The following NUP88 variants were observed in gnomAD, a reference collection of about 807,000 sequenced individuals.
NUP88 encodes nucleoporin 88.
A neutral mutation model predicts 93.9 loss-of-function variants in NUP88; 57 were observed. The observed-to-expected ratio is 0.61, with a 90% confidence interval of 0.49 to 0.76. NUP88 has a LOEUF of 0.76. NUP88 is among the 30% of genes least tolerant of loss of function. The pLI is 0.00. For synonymous variants in NUP88, 346 were observed against 336.8 expected (o/e 1.03, Z -0.30); for missense variants, 911 against 901.0 (o/e 1.01, Z -0.14).
intron 9 of NUP88, among the ~76,000 whole-genome samples, chr17:5,394,496 T>G (rs921858992): frequency 1.3e-5 from 2 of 152,016 alleles, no homozygotes; most frequent in Admixed American, 6.6e-5. Flanking sequence ...CGACAGACAT[T>G]AAAAAAATGC....
chr17:5,410,595 C>G, intron 4 of NUP88, 108 bp downstream of exon 4: 1 of 686,888 alleles, frequency 1.5e-6, no homozygotes, highest in East Asian at 2.6e-5. Context: ...CTCACATTAC[C>G]AAAAGCATGC....
Position 5,419,634 on chromosome 17 carries a change from C to A in NUP88, c.17G>T (p.Gly6Val), listed in dbSNP as rs772239332. The change falls in exon 1 of 17, where the codon GGA (glycine) becomes GTA (valine). Residue 6 changes from glycine to valine, a missense_variant. Gly to Val is a moderately radical substitution (Grantham distance 109). Coordinates refer to ENST00000573584, the MANE Select transcript of NUP88 (RefSeq NM_002532.6). ...CCACAGCTCGCCGTCGCCCACCGGTCCCTCGGCGGCCGCCATCTTGGCCCA... is the reference window on the plus strand; with the variant it reads ...CCACAGCTCGCCGTCGCCCACCGGTACCTCGGCGGCCGCCATCTTGGCCCA... MAAAE[G>V]PVGDGELWQT... is the part of the protein sequence containing the mutation. 1.3e-6 allele frequency: 2 copies of A among 1,590,656 alleles called. No individual in the cohort carries two copies. The highest frequency in any genetic ancestry group is 1.7e-5 in the Admixed American group (1 of 59,622).
intron 4 of NUP88, among the ~76,000 whole-genome samples, chr17:5,410,439 A>G (rs1185938707): frequency 6.6e-6 from 1 of 151,474 alleles, no homozygotes; most frequent in Non-Finnish European, 1.5e-5. Flanking sequence ...TCACATAGAA[A>G]GGTGATAAAG....
At chr17:5,387,964 T>TA (rs765955771) in intron 11 of NUP88, 60 bp from the exon 12 acceptor site, 3 of 1,177,304 alleles carry the variant, frequency 2.5e-6, no homozygotes, top group Non-Finnish European at 3.5e-6. Flanking sequence ...TGAAAATAAA[T>TA]AGACTCAAGT....
chr17:5,403,814 T>C (rs184516154), intron 7 of NUP88, among the ~76,000 whole-genome samples: 91 of 152,350 alleles, frequency 6.0e-4, no homozygotes, highest in Non-Finnish European at 1.1e-3. Context: ...TACCCAGTAG[T>C]GGAACTACTG....
rs926982145 is a variant in NUP88, at chr17:5,385,665, G to A, written c.*541C>T. ...TCAGCTCTGAAAGGTAATACAGCTTGTGAGGAAGTGAGCCAGCAGTGGCCT... is the reference window on the plus strand; with the variant it reads ...TCAGCTCTGAAAGGTAATACAGCTTATGAGGAAGTGAGCCAGCAGTGGCCT... On this transcript the variant is annotated 3_prime_UTR_variant, in exon 17 of 17. Transcript: ENST00000573584. The A allele has an allele frequency of 8.7e-6, 2 of 231,096 alleles. No individual in the cohort carries two copies. The highest frequency in any genetic ancestry group is 1.2e-4 in the East Asian group (2 of 16,186). The allele number at this position is 231,096 out of a possible 1,614,324, so 14.3% of individuals were successfully genotyped here.
chr17:5,409,485 T>C (rs1913701298), intron 4 of NUP88, among the ~76,000 whole-genome samples: 1 of 151,420 alleles, frequency 6.6e-6, no homozygotes, highest in South Asian at 2.1e-4. Flanking sequence ...GATATACAAA[T>C]AGCAAAAATT....
rs751250644 is a variant in NUP88 at position 5,410,729 on chromosome 17, T to C, written c.654A>G (p.Glu218=). 4.3e-6 allele frequency: 7 copies of C among 1,611,478 alleles called. No individual in the cohort carries two copies. The African/African-American group carries it at 6.7e-5, about 15-fold the overall frequency. Residue 218 remains glutamate, a synonymous_variant, in exon 4 of 17, where the codon GAA becomes GAG. Coordinates refer to ENST00000573584, the MANE Select transcript of NUP88 (RefSeq NM_002532.6). ...PTNVIILSEA[E]EESLVLNKGR... ...CTTTATTGAGTACTAGACTTTCCTC[T>C]TCGGCTTCTGAAAGTATTATCACGT...
intron 7 of NUP88, among the ~76,000 whole-genome samples, chr17:5,401,472 C>A (rs9897260): frequency 0.025 from 3,776 of 152,146 alleles, 154 homozygotes; most frequent in African/African-American, 0.086. Flanking sequence ...GCAACAATAA[C>A]CCATAAAACC....
At chr17:5,404,954 C>A in intron 6 of NUP88, 103 bp downstream of exon 6, 1 of 1,010,978 alleles carries the variant, frequency 9.9e-7, no homozygotes, top group Non-Finnish European at 1.4e-6. Context: ...TCAGAAGTTC[C>A]ATAAGTAAGT....
At chr17:5,410,623 C>G (rs1913780365) in intron 4 of NUP88, 80 bp downstream of exon 4, 1 of 847,592 alleles carries the variant, frequency 1.2e-6, no homozygotes, top group Non-Finnish European at 1.9e-6. Context: ...CTCTGAAAAA[C>G]CTTGCAACCT....
intron 8 of NUP88, among the ~76,000 whole-genome samples, chr17:5,398,070 C>T (rs1912893946): frequency 6.6e-6 from 1 of 151,590 alleles, no homozygotes; most frequent in Non-Finnish European, 1.5e-5. Context: ...CTATGCCTGG[C>T]TAATTTTTGT....
chr17:5,390,102 T>TCACTAG (rs1912316255), intron 10 of NUP88, among the ~76,000 whole-genome samples: 1 of 150,626 alleles, frequency 6.6e-6, no homozygotes, highest in African/African-American at 2.4e-5. Flanking sequence ...GAGGCAGAGG[T>TCACTAG]TGCAGTGAGC....
intron 8 of NUP88, among the ~76,000 whole-genome samples, chr17:5,395,749 C>T (rs1285163749): frequency 6.6e-6 from 1 of 151,900 alleles, no homozygotes; most frequent in Non-Finnish European, 1.5e-5. Flanking sequence ...AACTCCTGAA[C>T]TCAGGTGATC....
chr17:5,392,812 T>C (rs1912524250), intron 9 of NUP88, among the ~76,000 whole-genome samples: 1 of 152,208 alleles, frequency 6.6e-6, no homozygotes. Flanking sequence ...TTTTTTGAGA[T>C]AGGGTCTCAC....
chr17:5,400,751 C>CTT (rs978908975), intron 7 of NUP88, among the ~76,000 whole-genome samples: 1 of 152,270 alleles, frequency 6.6e-6, no homozygotes, highest in African/African-American at 2.4e-5. Context: ...TCACAAAAGA[C>CTT]TTTAACACAA....
chr17:5,396,843 C>G (rs1912809102), intron 8 of NUP88, among the ~76,000 whole-genome samples: 1 of 152,118 alleles, frequency 6.6e-6, no homozygotes, highest in Non-Finnish European at 1.5e-5. Flanking sequence ...GACGTGATAC[C>G]TCATTGTGGT....
chr17:5,392,572 T>C (rs766086630), intron 9 of NUP88, among the ~76,000 whole-genome samples: 5 of 152,206 alleles, frequency 3.3e-5, no homozygotes, highest in Admixed American at 6.5e-5. Context: ...CTATACACTA[T>C]GTAACCAGTA....
intron 7 of NUP88, among the ~76,000 whole-genome samples, chr17:5,401,577 G>T (rs897758299): frequency 2.0e-5 from 3 of 152,024 alleles, no homozygotes; most frequent in Non-Finnish European, 2.9e-5. Context: ...TTATTTTTCT[G>T]TCTTATATAT....
Sources: gnomAD v4.1 joint callset for allele counts (sites outside exome capture counted in the v4.1 genomes callset) on GRCh38, gnomAD v4.1.1 for gene constraint, MANE v1.5 for transcripts, NCBI Gene and HGNC (gene_info 2026-07-23, HGNC 2026-07-21) for gene names.